CALCR: variants seen among roughly 807,000 people sequenced by gnomAD.
CALCR encodes the protein calcitonin receptor.
In CALCR, 47 loss-of-function variants were observed where a neutral mutation model predicts 59.5. The observed-to-expected ratio is 0.79, with a 90% CI of 0.63 to 1.01. The LOEUF (loss-of-function observed/expected upper bound fraction) is 1.01, where lower values mean the gene tolerates loss of function less well. Ranked by LOEUF, CALCR falls within the 50% of genes least tolerant of loss-of-function variation. CALCR has a pLI of 0.00. For missense variants in CALCR, 566 were observed against 597.1 expected (o/e 0.95, Z 0.54); for synonymous variants, 213 against 211.3 (o/e 1.01, Z -0.07).
chr7:93,438,355 G>T, intron 9 of CALCR, 85 bp from the exon 10 acceptor site: 1 of 987,166 alleles, frequency 1.0e-6, no homozygotes, highest in Non-Finnish European at 1.6e-6. Flanking sequence ...TAGTGTACTT[G>T]CAAAAATACT....
chr7:93,443,258 T>C (rs184229536), intron 9 of CALCR, among the ~76,000 whole-genome samples: 2 of 152,264 alleles, frequency 1.3e-5, no homozygotes, highest in Admixed American at 1.3e-4. Context: ...TCTCCTTTGC[T>C]CTACAAACAT....
chr7:93,559,022 T>A (rs1187367570), intron 2 of CALCR, among the ~76,000 whole-genome samples: 1 of 152,212 alleles, frequency 6.6e-6, no homozygotes, highest in African/African-American at 2.4e-5. Flanking sequence ...GAGAGCAGTG[T>A]GTTGGGATGA....
At chr7:93,496,040 AG>A (rs1801194862) in intron 2 of CALCR, 1 of 838,614 alleles carries the variant, frequency 1.2e-6, no homozygotes, top group African/African-American at 1.8e-5. Flanking sequence ...TCTTCATGTA[AG>A]GGGAACAAAT....
intron 2 of CALCR, among the ~76,000 whole-genome samples, chr7:93,538,516 G>A (rs763943543): frequency 6.6e-6 from 1 of 151,882 alleles, no homozygotes; most frequent in Non-Finnish European, 1.5e-5. Context: ...CTTCTATCCT[G>A]GGCTAGGTAA....
In CALCR at chr7:93,547,400, C is replaced by T. The variant is rs114939427; in HGVS notation, c.-27+26889G>A. Among the ~76,000 whole-genome samples the T allele has an allele frequency of 7.9e-3, 1,207 of 152,244 alleles. 21 individuals carry two copies. The highest frequency in any genetic ancestry group is 0.028 in the African/African-American group (1,152 of 41,530). On this transcript the variant is annotated intron_variant, in intron 2 of 13. Transcript: ENST00000426151. ...ATTGCAAGTGTCAGTTATTATCATG[C>T]TAACAAATTTACTTTTTTGTTACTT... is the stretch of plus-strand genomic sequence containing the variant.
chr7:93,524,327 G>A (rs545158093), intron 2 of CALCR, among the ~76,000 whole-genome samples: 2 of 151,678 alleles, frequency 1.3e-5, no homozygotes, highest in East Asian at 1.9e-4. Flanking sequence ...CTGCCACCAC[G>A]CCCGGCTAAT....
At chr7:93,499,357 C>T (rs1323025391) in intron 2 of CALCR, among the ~76,000 whole-genome samples, 4 of 151,692 alleles carry the variant, frequency 2.6e-5, no homozygotes, top group Admixed American at 2.0e-4. Flanking sequence ...TCTGGAAATT[C>T]GCAAGTATGT....
chr7:93,495,936 G>A (rs1252138434), intron 2 of CALCR: 3 of 1,528,042 alleles, frequency 2.0e-6, no homozygotes, highest in Admixed American at 2.0e-5. Context: ...TTGCATCCTG[G>A]GGTGGCAAAA....
At chr7:93,498,479 C>T (rs768077723) in intron 2 of CALCR, among the ~76,000 whole-genome samples, 8 of 151,750 alleles carry the variant, frequency 5.3e-5, no homozygotes, top group East Asian at 3.9e-4. Context: ...TGTAACCTCA[C>T]GTATACTTTA....
At chr7:93,479,847 A>C (rs1584569461) in intron 3 of CALCR, among the ~76,000 whole-genome samples, 1 of 152,056 alleles carries the variant, frequency 6.6e-6, no homozygotes, top group East Asian at 2.0e-4. Flanking sequence ...TAATTTCCAA[A>C]AAATACAAAT....
chr7:93,472,931 A>T (rs192062591), intron 5 of CALCR, among the ~76,000 whole-genome samples: 1 of 151,944 alleles, frequency 6.6e-6, no homozygotes, highest in African/African-American at 2.4e-5. Flanking sequence ...ATGTTTTTTC[A>T]TTAGATTAAC....
intron 2 of CALCR, among the ~76,000 whole-genome samples, chr7:93,554,771 A>ACG (rs1789549938): frequency 1.9e-5 from 1 of 53,472 alleles, no homozygotes; most frequent in Admixed American, 1.7e-4. Context: ...CAGGCCATGT[A>ACG]TATATATATA....
At chr7:93,528,387 C>T (rs62468275) in intron 2 of CALCR, among the ~76,000 whole-genome samples, 12,983 of 152,240 alleles carry the variant, frequency 0.085, 614 homozygotes, top group African/African-American at 0.098. Context: ...ATTAACTCGT[C>T]ATTTACATTA....
intron 2 of CALCR, among the ~76,000 whole-genome samples, chr7:93,534,309 G>C (rs1009918176): frequency 6.6e-6 from 1 of 151,658 alleles, no homozygotes; most frequent in Non-Finnish European, 1.5e-5. Flanking sequence ...TATGATTAAG[G>C]AGCAAGTCCA....
chr7:93,511,448 A>G (rs1801544525), intron 2 of CALCR, among the ~76,000 whole-genome samples: 1 of 152,190 alleles, frequency 6.6e-6, no homozygotes, highest in South Asian at 2.1e-4. Flanking sequence ...CAAATCTCCC[A>G]TTGTTGAGAG....
At chr7:93,566,430 C>T (rs774974783) in intron 2 of CALCR, among the ~76,000 whole-genome samples, 1 of 152,084 alleles carries the variant, frequency 6.6e-6, no homozygotes, top group East Asian at 1.9e-4. Context: ...TATAAGAGAT[C>T]GGCTGAAATA....
chr7:93,565,421 A>G (rs781619026), intron 2 of CALCR, among the ~76,000 whole-genome samples: 19 of 152,218 alleles, frequency 1.2e-4, no homozygotes, highest in Non-Finnish European at 2.4e-4. Flanking sequence ...AAATATGCCC[A>G]GATATTAATA....
At chr7:93,493,029 A>G (rs1337874328) in intron 2 of CALCR, among the ~76,000 whole-genome samples, 1 of 151,298 alleles carries the variant, frequency 6.6e-6, no homozygotes, top group Admixed American at 6.6e-5. Context: ...GAAATTTATT[A>G]CCCAAACTAC....
intron 2 of CALCR, among the ~76,000 whole-genome samples, chr7:93,516,491 C>A (rs1156746468): frequency 4.6e-5 from 7 of 151,784 alleles, no homozygotes; most frequent in Non-Finnish European, 7.4e-5. Context: ...GGGAGATGGA[C>A]ACATTGTGGA....
Sources: allele counts gnomAD v4.1 joint callset (sites outside exome capture counted in the v4.1 genomes callset), GRCh38; gene constraint gnomAD v4.1.1; transcripts MANE v1.5; gene names NCBI Gene and HGNC (gene_info 2026-07-23, HGNC 2026-07-21).